PPP1R21: variants seen among roughly 807,000 people sequenced by gnomAD.
The protein encoded by PPP1R21 is KLRAQ motif containing 1.
Under a neutral mutation model 112.8 loss-of-function variants are expected in PPP1R21, and 85 were observed. The observed-to-expected ratio is 0.75, with a 90% CI of 0.63 to 0.90. The LOEUF (loss-of-function observed/expected upper bound fraction) is 0.90. PPP1R21 is among the 40% of genes least tolerant of loss of function. PPP1R21 has a pLI of 0.00. For missense variants in PPP1R21, 1,199 were observed against 901.5 expected (o/e 1.33, Z -4.23); for synonymous variants, 381 against 322.3 (o/e 1.18, Z -1.95).
At chr2:48,487,922 G>C (rs900266659) in intron 14 of PPP1R21, among the ~76,000 whole-genome samples, 1 of 152,120 alleles carries the variant, frequency 6.6e-6, no homozygotes, top group Non-Finnish European at 1.5e-5. Context: ...ACTGTATTCA[G>C]AACTATCTTA....
At chr2:48,469,779 A>G (rs894357104) in intron 9 of PPP1R21, among the ~76,000 whole-genome samples, 4 of 152,080 alleles carry the variant, frequency 2.6e-5, no homozygotes, top group Non-Finnish European at 5.9e-5. Flanking sequence ...GCTTTGGCCT[A>G]TAAAAGATCC....
Position 48,474,817 on chromosome 2 carries a change from C to G in PPP1R21, c.1223C>G (p.Pro408Arg), listed in dbSNP as rs199753161. ...ACTTACATAGCTCTTCTTGCCTTGC[C>G]AAGTAAGTATGTTTGTTGCTTAGGG... ...LQTYIALLAL[P>R]STEPDGLLRT... The change falls in exon 12 of 22, where the codon CCA becomes CGA. Residue 408 changes from proline to arginine, a missense_variant and splice_region_variant. Physicochemically the swap from Pro to Arg is moderately radical, Grantham distance 103. Transcript: ENST00000294952. 19 of 1,611,334 alleles carry G rather than the reference C, an allele frequency of 1.2e-5. No homozygotes were observed. Among genetic ancestry groups the G allele is most frequent in the Non-Finnish European group, 1.6e-5 (19 of 1,179,062 alleles).
At chr2:48,498,239 GTTTTC>G (rs1245182117) in intron 16 of PPP1R21, among the ~76,000 whole-genome samples, 7 of 148,204 alleles carry the variant, frequency 4.7e-5, no homozygotes, top group African/African-American at 1.7e-4. Flanking sequence ...TCAATTCTGA[GTTTTC>G]TTTTCACTCT....
rs1169827873 is a variant in PPP1R21, at chr2:48,451,031, GA to G, written c.87del (p.Gly30ValfsTer12). ...AGCTTCGGGCTCAGAATCAGGTTCT[GA>G]AAAAAGGTGTTGTGGATGAACAAGC... Reference protein sequence around the residue: ...SKLRAQNQVLKKGVVDEQANS... With the variant: ...SKLRAQNQVLXKGVVDEQANS... On this transcript the variant is annotated frameshift_variant, in exon 2 of 22. Coordinates refer to ENST00000294952, the MANE Select transcript of PPP1R21 (RefSeq NM_001135629.3). LOFTEE classifies it high-confidence loss of function. 6.2e-7 allele frequency: 1 copy of G among 1,613,718 alleles called. No individual in the cohort carries two copies.
chr2:48,456,854 C>A (rs1040774136), intron 3 of PPP1R21, among the ~76,000 whole-genome samples: 9 of 152,054 alleles, frequency 5.9e-5, no homozygotes, highest in Non-Finnish European at 1.0e-4. Context: ...AGTTGGAGAC[C>A]AGCCTGGCCA....
At chr2:48,509,717 A>G (rs914322595) in intron 19 of PPP1R21, among the ~76,000 whole-genome samples, 1 of 152,178 alleles carries the variant, frequency 6.6e-6, no homozygotes, top group Non-Finnish European at 1.5e-5. Context: ...AAAAAGAAAA[A>G]AAAAGAAAGT....
At chr2:48,489,219 A>G (rs1419074168) in intron 14 of PPP1R21, among the ~76,000 whole-genome samples, 1 of 152,192 alleles carries the variant, frequency 6.6e-6, no homozygotes, top group Non-Finnish European at 1.5e-5. Context: ...GCATTTAGCC[A>G]GACATTTTTA....
rs1257753690 is a variant in PPP1R21, at chr2:48,469,291, GTGTGTATGTA to G, written c.898-1794_898-1785del. ...TGTGTGTGTGTGTGTGTGTGTGTGT[GTGTGTATGTA>G]TATATATACACACACACACATATAT... is the stretch of plus-strand genomic sequence containing the variant. On this transcript the variant is annotated intron_variant, in intron 9 of 21. Coordinates refer to ENST00000294952, the MANE Select transcript of PPP1R21 (RefSeq NM_001135629.3). Among the ~76,000 whole-genome samples the G allele has an allele frequency of 4.9e-4, 33 of 67,116 alleles. 2 individuals are homozygous for G. Among genetic ancestry groups the G allele is most frequent in the African/African-American group, 1.4e-3 (25 of 17,888 alleles). The allele number at this position is 67,116 out of a possible 152,430, so 44.0% of individuals were successfully genotyped here.
At chr2:48,487,570 C>T (rs779558167) in intron 14 of PPP1R21, among the ~76,000 whole-genome samples, 16 of 151,758 alleles carry the variant, frequency 1.1e-4, no homozygotes, top group Non-Finnish European at 2.1e-4. Flanking sequence ...CAAGACCAGC[C>T]TCAGCAACAT....
rs1669271532 is a variant in PPP1R21 at position 48,485,950 on chromosome 2, T to A, written c.1319-681T>A. 6.1e-5 allele frequency among the ~76,000 whole-genome samples: 9 copies of A among 146,942 alleles called. No homozygotes were observed. In the South Asian group the frequency reaches 1.9e-3, roughly 31 times the overall value. ...ATACAATTGTATATACTATATATAA[T>A]TGTATTATATATAGTTTTATATATT... is the stretch of plus-strand genomic sequence containing the variant. On this transcript the variant is annotated intron_variant, in intron 13 of 21. Coordinates refer to ENST00000294952, the MANE Select transcript of PPP1R21 (RefSeq NM_001135629.3).
At chr2:48,513,927 C>T (rs1670751426) in intron 21 of PPP1R21, among the ~76,000 whole-genome samples, 1 of 152,168 alleles carries the variant, frequency 6.6e-6, no homozygotes. Flanking sequence ...GTCATCTTCT[C>T]TCTGATTTGT....
At chr2:48,507,829 G>A (rs150302821) in intron 19 of PPP1R21, among the ~76,000 whole-genome samples, 56 of 127,436 alleles carry the variant, frequency 4.4e-4, no homozygotes, top group East Asian at 4.2e-3. Context: ...GCAGTGGCAC[G>A]GTCTTGGCTC....
intron 3 of PPP1R21, among the ~76,000 whole-genome samples, chr2:48,455,817 A>C (rs185552385): frequency 1.2e-3 from 185 of 152,144 alleles, no homozygotes; most frequent in African/African-American, 3.9e-3. Flanking sequence ...GATTGAGACC[A>C]TCCTGGCTAA....
chr2:48,443,021 A>C (rs996379981), intron 1 of PPP1R21, among the ~76,000 whole-genome samples: 1 of 152,096 alleles, frequency 6.6e-6, no homozygotes, highest in African/African-American at 2.4e-5. Context: ...TTTTGGGGAG[A>C]GTAATGTAGG....
chr2:48,502,163 T>G (rs1221825976), intron 17 of PPP1R21: 1 of 152,232 alleles, frequency 6.6e-6, no homozygotes, highest in Non-Finnish European at 1.5e-5. Context: ...GAAAAATCTT[T>G]AGTACTGAAC....
At chr2:48,498,371 C>G (rs1475634204) in intron 16 of PPP1R21, 122 bp from the exon 17 acceptor site, 4 of 894,212 alleles carry the variant, frequency 4.5e-6, no homozygotes, top group Non-Finnish European at 5.1e-6. Context: ...GAGGGTCAAA[C>G]TTTATTATTA....
chr2:48,441,979 T>C (rs970327741), intron 1 of PPP1R21, among the ~76,000 whole-genome samples: 1 of 152,194 alleles, frequency 6.6e-6, no homozygotes, highest in African/African-American at 2.4e-5. Flanking sequence ...CTTTGAAAAA[T>C]AAAACTTGTG....
chr2:48,452,414 CTG>C (rs1455561128), intron 2 of PPP1R21, among the ~76,000 whole-genome samples: 3 of 152,060 alleles, frequency 2.0e-5, no homozygotes, highest in Non-Finnish European at 4.4e-5. Context: ...ATTACAGAAA[CTG>C]GAGTTTAGCG....
intron 15 of PPP1R21, among the ~76,000 whole-genome samples, chr2:48,492,710 G>T (rs1669626107): frequency 6.6e-6 from 1 of 152,182 alleles, no homozygotes; most frequent in Non-Finnish European, 1.5e-5. Flanking sequence ...CACTCTGAAG[G>T]ATACTTCCCA....
Sources: gnomAD v4.1 joint callset for allele counts (sites outside exome capture counted in the v4.1 genomes callset) on GRCh38, gnomAD v4.1.1 for gene constraint, MANE v1.5 for transcripts, NCBI Gene and HGNC (gene_info 2026-07-23, HGNC 2026-07-21) for gene names.